The following DGKB variants were observed in gnomAD, a reference collection of about 807,000 sequenced individuals.
DGKB encodes the protein 90 kDa diacylglycerol kinase.
Under a neutral mutation model 114.3 loss-of-function variants are expected in DGKB, and 67 were observed. The ratio of observed to expected loss-of-function variants is 0.59; its 90% CI spans 0.48 to 0.72. DGKB has a LOEUF of 0.72. DGKB is among the 30% of genes least tolerant of loss of function. The pLI is 0.00. For missense variants in DGKB, 907 were observed against 975.2 expected (o/e 0.93, Z 0.93); for synonymous variants, 398 against 323.1 (o/e 1.23, Z -2.49).
At chr7:14,687,884 A>C (rs1821999366) in intron 9 of DGKB, among the ~76,000 whole-genome samples, 1 of 152,250 alleles carries the variant, frequency 6.6e-6, no homozygotes, top group Admixed American at 6.5e-5. Flanking sequence ...TCTGTCAATC[A>C]GAACACTTAG....
intron 21 of DGKB, among the ~76,000 whole-genome samples, chr7:14,379,482 G>C (rs1489990014): frequency 6.6e-6 from 1 of 151,814 alleles, no homozygotes; most frequent in Admixed American, 6.6e-5. Context: ...GAAAGAGAGT[G>C]GGGAGCGCTC....
chr7:14,860,849 T>C (rs1850871379), intron 1 of DGKB, among the ~76,000 whole-genome samples: 1 of 151,924 alleles, frequency 6.6e-6, no homozygotes, highest in South Asian at 2.1e-4. Context: ...GATGCATACC[T>C]AGAAAATTTA....
chr7:14,279,423 G>C (rs1329811493), intron 23 of DGKB, among the ~76,000 whole-genome samples: 1 of 152,148 alleles, frequency 6.6e-6, no homozygotes, highest in Non-Finnish European at 1.5e-5. Context: ...TCCACCTCTG[G>C]GGGCAGGGCA....
chr7:14,955,964 A>G (rs1190751537), intron 1 of DGKB, among the ~76,000 whole-genome samples: 3 of 152,034 alleles, frequency 2.0e-5, no homozygotes, highest in Non-Finnish European at 4.4e-5. Flanking sequence ...GGCATGAGGT[A>G]TGTGTAGCCT....
intron 23 of DGKB, among the ~76,000 whole-genome samples, chr7:14,226,714 T>C (rs59706690): frequency 0.057 from 8,738 of 152,104 alleles, 514 homozygotes; most frequent in East Asian, 0.24. Flanking sequence ...CAGATAATTA[T>C]CAAATATTTA....
At chr7:14,374,002 T>C (rs1818093149) in intron 21 of DGKB, among the ~76,000 whole-genome samples, 2 of 152,114 alleles carry the variant, frequency 1.3e-5, no homozygotes. Context: ...CCCCTTGCCC[T>C]TCCTGAAAGA....
chr7:14,594,675 C>T (rs761153756), intron 17 of DGKB, among the ~76,000 whole-genome samples: 82 of 152,002 alleles, frequency 5.4e-4, no homozygotes, highest in Admixed American at 1.9e-3. Flanking sequence ...TCCATTCTGT[C>T]GTGTGAATGA....
chr7:14,938,878 C>T (rs572998492), intron 1 of DGKB, among the ~76,000 whole-genome samples: 1 of 152,158 alleles, frequency 6.6e-6, no homozygotes, highest in East Asian at 1.9e-4. Context: ...AATCCTGGTC[C>T]TACCATGTAA....
At chr7:14,206,855 G>C (rs539953171) in intron 23 of DGKB, among the ~76,000 whole-genome samples, 29 of 152,088 alleles carry the variant, frequency 1.9e-4, no homozygotes, top group Middle Eastern at 3.4e-3. Flanking sequence ...AAGTGTGTGA[G>C]CCAATCTCTG....
intron 1 of DGKB, among the ~76,000 whole-genome samples, chr7:14,899,642 A>T (rs1226995656): frequency 1.3e-5 from 2 of 152,044 alleles, no homozygotes; most frequent in Non-Finnish European, 2.9e-5. Context: ...AAATGTCCCC[A>T]TGTTCATTTT....
intron 20 of DGKB, among the ~76,000 whole-genome samples, chr7:14,492,631 C>G (rs983908629): frequency 3.3e-5 from 5 of 151,956 alleles, no homozygotes; most frequent in Admixed American, 3.3e-4. Context: ...CATGAACCCC[C>G]GCCATGATGG....
At chr7:14,509,703 C>G (rs1787684415) in intron 20 of DGKB, among the ~76,000 whole-genome samples, 1 of 152,200 alleles carries the variant, frequency 6.6e-6, no homozygotes, top group Non-Finnish European at 1.5e-5. Flanking sequence ...GGGCCGTGAG[C>G]AAGCCTCCGA....
At chr7:14,711,343 G>A (rs1051264496) in intron 6 of DGKB, among the ~76,000 whole-genome samples, 1 of 151,914 alleles carries the variant, frequency 6.6e-6, no homozygotes, top group South Asian at 2.1e-4. Context: ...CCAAGTCAAG[G>A]TCAAGGATAG....
intron 20 of DGKB, among the ~76,000 whole-genome samples, chr7:14,505,711 C>A (rs1786935068): frequency 6.6e-6 from 1 of 152,140 alleles, no homozygotes; most frequent in African/African-American, 2.4e-5. Context: ...AGTTAGCAGA[C>A]CTTCCTCAAG....
At chr7:14,639,685 T>C (rs1000474003) in intron 13 of DGKB, among the ~76,000 whole-genome samples, 2 of 152,264 alleles carry the variant, frequency 1.3e-5, no homozygotes, top group Non-Finnish European at 2.9e-5. Flanking sequence ...ACTATCACTA[T>C]GATCAACATT....
chr7:14,236,670 CT>C (rs1792837081), intron 23 of DGKB, among the ~76,000 whole-genome samples: 1 of 152,002 alleles, frequency 6.6e-6, no homozygotes, highest in East Asian at 1.9e-4. Flanking sequence ...TTTTTTCCCC[CT>C]ATGAATTATA....
At chr7:14,425,037 A>G (rs1183264287) in intron 21 of DGKB, among the ~76,000 whole-genome samples, 8 of 152,170 alleles carry the variant, frequency 5.3e-5, no homozygotes, top group African/African-American at 1.9e-4. Flanking sequence ...GAAATATAAG[A>G]AAAGTGCACA....
chr7:14,467,326 A>T (rs1217129438), intron 21 of DGKB, among the ~76,000 whole-genome samples: 5 of 150,974 alleles, frequency 3.3e-5, no homozygotes. Flanking sequence ...GAGTTAATGC[A>T]TGTGTGAAAT....
At chr7:14,700,751 A>T (rs1825026452) in intron 7 of DGKB, among the ~76,000 whole-genome samples, 1 of 152,128 alleles carries the variant, frequency 6.6e-6, no homozygotes, top group African/African-American at 2.4e-5. Flanking sequence ...AGAAAAACTC[A>T]CTCATTTTCA....
Sources: allele counts gnomAD v4.1 joint callset (sites outside exome capture counted in the v4.1 genomes callset), GRCh38; gene constraint gnomAD v4.1.1; transcripts MANE v1.5; gene names NCBI Gene and HGNC (gene_info 2026-07-23, HGNC 2026-07-21).